Variants in TPI1 observed in about 807,000 individuals in gnomAD.
The protein encoded by TPI1 is triosephosphate isomerase.
In TPI1, 11 loss-of-function variants were observed where a neutral mutation model predicts 31.0. That is an observed-to-expected ratio of 0.36 (90% CI 0.22 to 0.59). The LOEUF is 0.59. Ranked by LOEUF, TPI1 falls within the 20% of genes least tolerant of loss-of-function variation. TPI1 has a pLI of 0.79. For synonymous variants in TPI1, 121 were observed against 122.8 expected (o/e 0.99, Z 0.10); for missense variants, 245 against 319.7 (o/e 0.77, Z 1.78).
rs1555132225 is a variant in TPI1, at chr12:6,869,335, A to T, written c.402A>T (p.Glu134Asp). The T allele has an allele frequency of 6.2e-7, 1 of 1,614,106 alleles. No homozygotes were observed. Among genetic ancestry groups the T allele is most frequent in the Non-Finnish European group, 8.5e-7 (1 of 1,179,990 alleles). Reference protein sequence around the residue: ...VIACIGEKLDEREAGITEKVV... With the variant: ...VIACIGEKLDDREAGITEKVV... ...CCTGCATTGGGGAGAAGCTAGATGAAAGGGAAGCTGGCATCACTGAGAAGG... is the reference window on the plus strand; with the variant it reads ...CCTGCATTGGGGAGAAGCTAGATGATAGGGAAGCTGGCATCACTGAGAAGG... The change falls in exon 4 of 7, where the codon GAA becomes GAT. Residue 134 changes from glutamate to aspartate, a missense_variant. Around this residue, in one of 3 missense-constraint regions of TPI1, gnomAD observed 127 missense variants for 163.7 expected, o/e 0.78. Transcript: ENST00000396705.
chr12:6,869,534 C>A, intron 4 of TPI1, 144 bp downstream of exon 4: 2 of 1,486,132 alleles, frequency 1.3e-6, no homozygotes, highest in Non-Finnish European at 9.4e-7. Context: ...TTGCTTGGGG[C>A]CTATGACTTC....
Position 6,870,901 on chromosome 12 carries a change from A to G in TPI1, c.*518A>G, listed in dbSNP as rs1487332310. 2 of 618,850 alleles carry G rather than the reference A, an allele frequency of 3.2e-6. No individual in the cohort carries two copies. The highest frequency in any genetic ancestry group is 4.4e-5 in the Admixed American group (2 of 45,622). 38.3% of individuals were successfully genotyped at this position (618,850 alleles called of 1,614,324 possible). A position where few individuals can be genotyped will look rare whatever the true frequency, so the allele number is the denominator to read the frequency against. On this transcript the variant is annotated 3_prime_UTR_variant, in exon 7 of 7. Coordinates refer to ENST00000396705, the MANE Select transcript of TPI1 (RefSeq NM_000365.6). ...TTTTGAGGCAGCTATATAAATGATC[A>G]TTTGTGCAAGAAAAAAAAAAAAACA...
In TPI1 at chr12:6,869,265, G is replaced by A; in HGVS notation, c.332G>A (p.Gly111Glu). ...HVFGESDELI[G>E]QKVAHALAEG... ...AAGTCTGTTTCTCAACAGCTGATTG[G>A]GCAGAAAGTGGCCCATGCTCTGGCA... Residue 111 changes from glycine (G) to glutamate (E), a missense_variant, in exon 4 of 7, where the codon GGG (glycine) becomes GAG (glutamate). Physicochemically the swap from Gly to Glu is moderately conservative, Grantham distance 98 (BLOSUM62 -2). Around this residue, in one of 3 missense-constraint regions of TPI1, gnomAD observed 23 missense variants for 59.6 expected, o/e 0.39. Coordinates refer to ENST00000396705, the MANE Select transcript of TPI1 (RefSeq NM_000365.6). 2 of 1,614,080 alleles carry A rather than the reference G, an allele frequency of 1.2e-6. No individual in the cohort carries two copies. The highest frequency in any genetic ancestry group is 1.7e-6 in the Non-Finnish European group (2 of 1,179,944).
At chr12:6,869,595 G>A in intron 4 of TPI1, 93 bp from the exon 5 acceptor site, 1 of 1,511,660 alleles carries the variant, frequency 6.6e-7, no homozygotes, top group Non-Finnish European at 9.2e-7. Context: ...TCCACTAGGG[G>A]GCAGTAGGCC....
chr12:6,869,915 T>A, intron 5 of TPI1, 134 bp from the exon 6 acceptor site: 1 of 1,376,590 alleles, frequency 7.3e-7, no homozygotes, highest in Non-Finnish European at 1.0e-6. Context: ...GGGCATCCAG[T>A]CCAGGGCCTG....
At position 6,870,485 on chromosome 12, in the gene TPI1, T is replaced by C. The variant is rs782684621; in HGVS notation, c.*102T>C. The C allele has an allele frequency of 6.7e-6, 6 of 895,406 alleles. 1 individual carries two copies. Among genetic ancestry groups the C allele is most frequent in the Admixed American group, 3.4e-5 (2 of 59,128 alleles). The allele number at this position is 895,406 out of a possible 1,614,324, so 55.5% of individuals were successfully genotyped here. On this transcript the variant is annotated 3_prime_UTR_variant, in exon 7 of 7. Coordinates refer to ENST00000396705, the MANE Select transcript of TPI1 (RefSeq NM_000365.6). ...TGCATATGCTTCTGATGGTGTCATCTGCTCCTTCCTGTGGCCTCATCCAAA... is the reference window on the plus strand; with the variant it reads ...TGCATATGCTTCTGATGGTGTCATCCGCTCCTTCCTGTGGCCTCATCCAAA...
At chr12:6,868,480 T>C in intron 1 of TPI1, 1 of 1,286,700 alleles carries the variant, frequency 7.8e-7, no homozygotes, top group Non-Finnish European at 1.0e-6. Context: ...CCTCTCCTTT[T>C]GCTACAAATC....
In TPI1 at chr12:6,868,053, C is replaced by CCCTGCGCCCTGGCCT. The variant is rs1386391809; in HGVS notation, c.115+375_115+389dup. The stretch of plus-strand genomic sequence containing the variant: ...GGCTGGGCCGCGTGGGCTTCCCGCT[C>CCCTGCGCCCTGGCCT]CCTGCGCCCTGGCCTCCCGCGCCGT... On this transcript the variant is annotated intron_variant, in intron 1 of 6. Coordinates refer to ENST00000396705, the MANE Select transcript of TPI1 (RefSeq NM_000365.6). The CCCTGCGCCCTGGCCT allele has an allele frequency of 6.5e-6, 8 of 1,227,280 alleles. No individual in the cohort carries two copies. The African/African-American group carries it at 1.1e-4, about 17-fold the overall frequency. 76.0% of individuals were successfully genotyped at this position (1,227,280 alleles called of 1,614,324 possible). A position where few individuals can be genotyped will look rare whatever the true frequency, so the allele number is the denominator to read the frequency against.
In TPI1 at chr12:6,870,691, A is replaced by G. The variant is rs993607944; in HGVS notation, c.*308A>G. 1 of 592,576 alleles carries G rather than the reference A, an allele frequency of 1.7e-6. No homozygotes were observed. Among genetic ancestry groups the G allele is most frequent in the East Asian group, 4.0e-5 (1 of 24,880 alleles). The allele number at this position is 592,576 out of a possible 1,614,324, so 36.7% of individuals were successfully genotyped here. A position where few individuals can be genotyped will look rare whatever the true frequency, so the allele number is the denominator to read the frequency against. Reference sequence around the variant, plus strand: ...CCCTAGGCCCTAGTGAGGGCAGAAGAGAAACCATCCTCTCCCTTCTTACAC... The same window carrying G: ...CCCTAGGCCCTAGTGAGGGCAGAAGGGAAACCATCCTCTCCCTTCTTACAC... On this transcript the variant is annotated 3_prime_UTR_variant, in exon 7 of 7. Transcript: ENST00000396705.
Position 6,867,625 on chromosome 12 carries a change from A to T in TPI1, c.59A>T (p.Gln20Leu). ...AACTGGAAGATGAACGGGCGGAAGC[A>T]GAGTCTGGGGGAGCTCATCGGCACT... is the stretch of plus-strand genomic sequence containing the variant. The part of the protein sequence containing the change: ...GGNWKMNGRK[Q>L]SLGELIGTLN... The change falls in exon 1 of 7, where the codon CAG becomes CTG. Residue 20 changes from glutamine to leucine, a missense_variant. Gln to Leu is a moderately radical substitution (Grantham distance 113). Around this residue, in one of 3 missense-constraint regions of TPI1, gnomAD observed 95 missense variants for 96.4 expected, o/e 0.99. Coordinates refer to ENST00000396705, the MANE Select transcript of TPI1 (RefSeq NM_000365.6). 6.2e-7 allele frequency: 1 copy of T among 1,612,870 alleles called. No homozygotes were observed.
In TPI1 at chr12:6,869,290, A is replaced by C. The variant is rs1407537854; in HGVS notation, c.357A>C (p.Ala119=). 1 of 1,613,978 alleles carries C rather than the reference A, an allele frequency of 6.2e-7. No homozygotes were observed. The highest frequency in any genetic ancestry group is 8.5e-7 in the Non-Finnish European group (1 of 1,179,946). Residue 119 remains alanine, a synonymous_variant, in exon 4 of 7, where the codon GCA becomes GCC. Coordinates refer to ENST00000396705, the MANE Select transcript of TPI1 (RefSeq NM_000365.6). The stretch of plus-strand genomic sequence containing the variant: ...GGCAGAAAGTGGCCCATGCTCTGGC[A>C]GAGGGACTCGGAGTAATCGCCTGCA... ...LIGQKVAHAL[A]EGLGVIACIG... is the part of the protein sequence containing the mutation.
At position 6,870,386 on chromosome 12, in the gene TPI1, C is replaced by T. The variant is rs782109366; in HGVS notation, c.*3C>T. On this transcript the variant is annotated 3_prime_UTR_variant, in exon 7 of 7. Coordinates refer to ENST00000396705, the MANE Select transcript of TPI1 (RefSeq NM_000365.6). ...ACATCATCAATGCCAAACAATGAGC[C>T]CCATCCATCTTCCCTACCCTTCCTG... 7 of 1,604,310 alleles carry T rather than the reference C, an allele frequency of 4.4e-6. No individual in the cohort carries two copies. In the Admixed American group the frequency reaches 6.7e-5, roughly 15 times the overall value.
chr12:6,869,036 T>C (rs72661105), intron 2 of TPI1, 49 bp downstream of exon 2: 1 of 1,614,100 alleles, frequency 6.2e-7, no homozygotes, highest in Admixed American at 1.7e-5. Flanking sequence ...CTCACTTTCC[T>C]CGTTGAGGGG....
rs1303551635 is a variant in TPI1, at chr12:6,869,341, A to C, written c.408A>C (p.Glu136Asp). The C allele has an allele frequency of 6.2e-7, 1 of 1,614,134 alleles. No homozygotes were observed. Among genetic ancestry groups the C allele is most frequent in the Non-Finnish European group, 8.5e-7 (1 of 1,180,000 alleles). ...ACIGEKLDER[E>D]AGITEKVVFE... The stretch of plus-strand genomic sequence containing the variant: ...TTGGGGAGAAGCTAGATGAAAGGGA[A>C]GCTGGCATCACTGAGAAGGTTGTTT... The change falls in exon 4 of 7, where the codon GAA becomes GAC. Residue 136 changes from glutamate to aspartate, a missense_variant. Glu to Asp is a conservative substitution (Grantham distance 45, BLOSUM62 2). Transcript: ENST00000396705.
At chr12:6,869,061 G>A (rs781891571) in intron 2 of TPI1, 38 bp from the exon 3 acceptor site, 2 of 1,614,152 alleles carry the variant, frequency 1.2e-6, no homozygotes, top group Non-Finnish European at 1.7e-6. Context: ...CCACAGGGTG[G>A]GCTCCCTGCT....
At position 6,870,119 on chromosome 12, in the gene TPI1, C is replaced by T. The variant is rs782580053; in HGVS notation, c.614C>T (p.Thr205Ile). ...GTCTCTGATGCGGTGGCTCAGAGCA[C>T]CCGTATCATTTATGGAGGTGAGTGG... ...SNVSDAVAQS[T>I]RIIYGGSVTG... Residue 205 changes from threonine (T) to isoleucine (I), a missense_variant, in exon 6 of 7, where the codon ACC becomes ATC. This residue lies in a region of TPI1 where 127 missense variants were observed against 163.7 expected (regional missense o/e 0.78). Coordinates refer to ENST00000396705, the MANE Select transcript of TPI1 (RefSeq NM_000365.6). 6.2e-7 allele frequency: 1 copy of T among 1,614,050 alleles called. No individual in the cohort carries two copies. The highest frequency in any genetic ancestry group is 1.7e-5 in the Admixed American group (1 of 60,018).
At chr12:6,869,943 G>A in intron 5 of TPI1, 106 bp from the exon 6 acceptor site, 2 of 1,427,450 alleles carry the variant, frequency 1.4e-6, no homozygotes, top group Middle Eastern at 1.8e-4. Flanking sequence ...TCAGAGCCCT[G>A]GTACTCTGAC....
chr12:6,868,560 C>A, intron 1 of TPI1: 1 of 1,304,320 alleles, frequency 7.7e-7, no homozygotes, highest in South Asian at 1.4e-5. Flanking sequence ...CTGGAGAATG[C>A]TGAGTCTGTG....
chr12:6,867,449 G>A (rs1555131360), upstream of TPI1: 1 of 1,505,264 alleles, frequency 6.6e-7, no homozygotes, highest in Non-Finnish European at 8.9e-7. Context: ...GGGGGACTGG[G>A]CGGGCCATGG....
Sources: allele counts gnomAD v4.1 joint callset, GRCh38; gene constraint gnomAD v4.1.1; regional missense constraint gnomAD v4.1.1; transcripts MANE v1.5; gene names NCBI Gene and HGNC (gene_info 2026-07-23, HGNC 2026-07-21).